The following MYO9A variants were observed in gnomAD, a reference collection of about 807,000 sequenced individuals.
MYO9A encodes unconventional myosin-IXa.
A neutral mutation model predicts 293.3 loss-of-function variants in MYO9A; 103 were observed. The observed-to-expected ratio is 0.35, with a 90% confidence interval of 0.30 to 0.41. The LOEUF is 0.41. Ranked by LOEUF, MYO9A falls within the 10% of genes least tolerant of loss-of-function variation. The pLI, the probability that MYO9A is intolerant of heterozygous loss-of-function variation, is 1.00. For missense variants in MYO9A, 2,685 were observed against 3,033.0 expected, an observed-to-expected ratio of 0.89 and a Z score of 2.69; for synonymous variants, 1,001 against 1,035.7, an observed-to-expected ratio of 0.97 and a Z score of 0.64.
At chr15:71,892,851 T>C (rs999112526) in intron 26 of MYO9A, 3 of 580,804 alleles carry the variant, frequency 5.2e-6, no homozygotes, top group South Asian at 2.3e-5. Context: ...TTCACTGAGG[T>C]TTCCCATGCA....
At chr15:72,053,784 T>A (rs556973244) in intron 1 of MYO9A, among the ~76,000 whole-genome samples, 1 of 152,282 alleles carries the variant, frequency 6.6e-6, no homozygotes, top group Middle Eastern at 3.4e-3. Flanking sequence ...AACCAACCTG[T>A]ACATGTACTC....
chr15:72,078,432 G>C (rs1441482313), intron 1 of MYO9A, among the ~76,000 whole-genome samples: 1 of 152,056 alleles, frequency 6.6e-6, no homozygotes, highest in Admixed American at 6.5e-5. Flanking sequence ...ATAGAGGCTA[G>C]AGTGAGCCCA....
At chr15:71,919,850 A>AG (rs2058109687) in intron 18 of MYO9A, among the ~76,000 whole-genome samples, 1 of 151,354 alleles carries the variant, frequency 6.6e-6, no homozygotes, top group Admixed American at 6.6e-5. Flanking sequence ...TCAAAAAAAA[A>AG]AAAAAAAAAA....
At chr15:72,067,050 TATA>T (rs1484491952) in intron 1 of MYO9A, among the ~76,000 whole-genome samples, 3 of 148,272 alleles carry the variant, frequency 2.0e-5, no homozygotes, top group Non-Finnish European at 4.5e-5. Context: ...TAATACATTA[TATA>T]ATATATAGGT....
intron 16 of MYO9A, 127 bp downstream of exon 16, chr15:71,938,725 G>A (rs1232532068): frequency 2.7e-6 from 2 of 729,240 alleles, no homozygotes. Context: ...CACTTATAAA[G>A]GATTCAAGAA....
At chr15:72,018,516 T>G (rs1356542860) in intron 6 of MYO9A, among the ~76,000 whole-genome samples, 1 of 152,092 alleles carries the variant, frequency 6.6e-6, no homozygotes, top group Non-Finnish European at 1.5e-5. Flanking sequence ...TACTTATTTT[T>G]GGATAATTTT....
chr15:72,043,959 C>G (rs927158765), intron 2 of MYO9A, among the ~76,000 whole-genome samples: 2 of 136,314 alleles, frequency 1.5e-5, no homozygotes, highest in Admixed American at 7.6e-5. Flanking sequence ...TTTAAATTGG[C>G]AAGCAAAAAC....
chr15:72,092,329 A>C (rs1315161963), intron 1 of MYO9A, among the ~76,000 whole-genome samples: 2 of 152,238 alleles, frequency 1.3e-5, no homozygotes, highest in Non-Finnish European at 2.9e-5. Flanking sequence ...TTTGGCACTG[A>C]GCAGAAAAGA....
At chr15:72,007,604 G>A (rs1384391828) in intron 8 of MYO9A, among the ~76,000 whole-genome samples, 1 of 152,128 alleles carries the variant, frequency 6.6e-6, no homozygotes, top group African/African-American at 2.4e-5. Flanking sequence ...AGTGGAGGCA[G>A]AGGAGAAAAC....
intron 6 of MYO9A, among the ~76,000 whole-genome samples, chr15:72,015,063 G>C (rs1358354151): frequency 6.8e-6 from 1 of 147,850 alleles, no homozygotes; most frequent in Non-Finnish European, 1.5e-5. Flanking sequence ...TGGCCAGGCT[G>C]GTCTCGAACT....
At chr15:72,111,016 G>C (rs925277534) in intron 1 of MYO9A, among the ~76,000 whole-genome samples, 2 of 151,956 alleles carry the variant, frequency 1.3e-5, no homozygotes, top group African/African-American at 2.4e-5. Flanking sequence ...AAAATTAGCC[G>C]GGAGTGGTGG....
At chr15:72,006,460 T>C (rs933394422) in intron 8 of MYO9A, among the ~76,000 whole-genome samples, 1 of 152,172 alleles carries the variant, frequency 6.6e-6, no homozygotes, top group Non-Finnish European at 1.5e-5. Flanking sequence ...ACATATTGCA[T>C]GATTCAATTA....
At chr15:72,035,079 G>A (rs1405860699) in intron 2 of MYO9A, among the ~76,000 whole-genome samples, 1 of 152,138 alleles carries the variant, frequency 6.6e-6, no homozygotes. Context: ...ACACCTATTA[G>A]AATGGCTAAA....
chr15:71,912,771 C>T (rs1478070695), intron 19 of MYO9A, among the ~76,000 whole-genome samples: 1 of 152,196 alleles, frequency 6.6e-6, no homozygotes, highest in Non-Finnish European at 1.5e-5. Flanking sequence ...ACATTCACCA[C>T]ACATAGAATT....
At chr15:72,111,565 CTA>C (rs2080781651) in intron 1 of MYO9A, among the ~76,000 whole-genome samples, 2 of 151,414 alleles carry the variant, frequency 1.3e-5, no homozygotes, top group Non-Finnish European at 2.9e-5. Context: ...TGAGTACCTA[CTA>C]TATGCTTGGT....
At chr15:72,039,518 C>G (rs2078161685) in intron 2 of MYO9A, among the ~76,000 whole-genome samples, 1 of 151,932 alleles carries the variant, frequency 6.6e-6, no homozygotes, top group African/African-American at 2.4e-5. Context: ...AAACACAAAT[C>G]TAAGCAACCC....
At position 71,948,917 on chromosome 15, in the gene MYO9A, G is replaced by A. The variant is rs553130049; in HGVS notation, c.2302+2860C>T. 2.7e-3 allele frequency among the ~76,000 whole-genome samples: 369 copies of A among 137,406 alleles called. 8 individuals carry two copies. The South Asian group carries it at 0.032, about 12-fold the overall frequency. 90.1% of individuals were successfully genotyped at this position (137,406 alleles called of 152,430 possible). ...CAGTTAATCTGTCTGGACTCAAACT[G>A]CAAATACAGAAATTCTGGTTCAAAT... is the stretch of plus-strand genomic sequence containing the variant. On this transcript the variant is annotated intron_variant, in intron 15 of 41. Coordinates refer to ENST00000356056, the MANE Select transcript of MYO9A (RefSeq NM_006901.4).
intron 1 of MYO9A, among the ~76,000 whole-genome samples, chr15:72,060,075 G>A (rs1438191102): frequency 2.0e-5 from 3 of 152,150 alleles, no homozygotes; most frequent in African/African-American, 7.2e-5. Flanking sequence ...TCATCTTCCT[G>A]AGTTATTATT....
At chr15:71,963,115 G>A (rs1420167894) in intron 13 of MYO9A, among the ~76,000 whole-genome samples, 3 of 152,054 alleles carry the variant, frequency 2.0e-5, no homozygotes, top group Non-Finnish European at 2.9e-5. Flanking sequence ...ACAGGGTCTT[G>A]TTCTGTTGCC....
Sources: allele counts gnomAD v4.1 joint callset (sites outside exome capture counted in the v4.1 genomes callset), GRCh38; gene constraint gnomAD v4.1.1; transcripts MANE v1.5; gene names NCBI Gene and HGNC (gene_info 2026-07-23, HGNC 2026-07-21).